Variants in NCAM2 observed in about 807,000 individuals in gnomAD.
The protein encoded by NCAM2 is N-CAM-2.
A neutral mutation model predicts 98.1 loss-of-function variants in NCAM2; 30 were observed. That is an observed-to-expected ratio of 0.31 (90% CI 0.23 to 0.41). NCAM2 has a LOEUF of 0.41. Ranked by LOEUF, NCAM2 falls within the 10% of genes least tolerant of loss-of-function variation. The pLI is 1.00. For synonymous variants in NCAM2, 368 were observed against 342.4 expected (o/e 1.07, Z -0.83); for missense variants, 867 against 1,005.8 (o/e 0.86, Z 1.87).
intron 1 of NCAM2, among the ~76,000 whole-genome samples, chr21:21,126,082 T>C (rs2066815129): frequency 6.6e-6 from 1 of 151,796 alleles, no homozygotes; most frequent in South Asian, 2.1e-4. Flanking sequence ...TAATGTTTCC[T>C]AGTAAAGATG....
Position 21,290,632 on chromosome 21 carries a change from G to T in NCAM2, c.482-1472G>T, listed in dbSNP as rs533698793. ...ACACCTCATGGGCTGCAAATCATGT[G>T]GCCGTAGCATTAGAATCACTATTTT... On this transcript the variant is annotated intron_variant, in intron 4 of 17. Coordinates refer to ENST00000400546, the MANE Select transcript of NCAM2 (RefSeq NM_004540.5). Among the ~76,000 whole-genome samples the T allele has an allele frequency of 1.2e-4, 18 of 151,962 alleles. 1 individual carries two copies. The South Asian group carries it at 2.5e-3, about 21-fold the overall frequency.
At position 21,286,421 on chromosome 21, in the gene NCAM2, T is replaced by G; in HGVS notation, c.481+9T>G. On this transcript the variant is annotated intron_variant, in intron 4 of 17. Transcript: ENST00000400546. Reference sequence around the variant, plus strand: ...CACCACTATTTCCGACAGTTAGTATTTTGGTAACTCCCTAAGTTATATGTT... The same window carrying G: ...CACCACTATTTCCGACAGTTAGTATGTTGGTAACTCCCTAAGTTATATGTT... The G allele has an allele frequency of 6.2e-7, 1 of 1,610,938 alleles. No individual in the cohort carries two copies. Among genetic ancestry groups the G allele is most frequent in the Non-Finnish European group, 8.5e-7 (1 of 1,177,974 alleles).
chr21:21,245,151 G>T (rs1835004131), intron 1 of NCAM2, among the ~76,000 whole-genome samples: 1 of 152,052 alleles, frequency 6.6e-6, no homozygotes, highest in East Asian at 1.9e-4. Flanking sequence ...TTATGCACAT[G>T]CATTCCTCCA....
intron 9 of NCAM2, among the ~76,000 whole-genome samples, chr21:21,383,675 C>A (rs187687885): frequency 7.3e-4 from 111 of 152,072 alleles, no homozygotes; most frequent in African/African-American, 2.6e-3. Flanking sequence ...GTTTCAGCTG[C>A]CATTATATAA....
At chr21:21,193,740 C>G (rs547399316) in intron 1 of NCAM2, among the ~76,000 whole-genome samples, 50 of 152,044 alleles carry the variant, frequency 3.3e-4, no homozygotes, top group African/African-American at 1.1e-3. Flanking sequence ...ATGATCCGCC[C>G]ACCTCGGCCT....
chr21:21,522,632 C>CTTTTTCT (rs112708539), intron 16 of NCAM2, among the ~76,000 whole-genome samples: 2,447 of 124,690 alleles, frequency 0.02, 35 homozygotes, highest in Non-Finnish European at 0.027. Flanking sequence ...TTTTCTTTTT[C>CTTTTTCT]TTTTTTTTTT....
intron 5 of NCAM2, among the ~76,000 whole-genome samples, chr21:21,308,950 G>C (rs2073962721): frequency 6.6e-6 from 1 of 151,886 alleles, no homozygotes; most frequent in African/African-American, 2.4e-5. Context: ...TCTGCTGAAG[G>C]CTTCATCTCA....
At chr21:21,459,384 T>C (rs2146182826) in intron 12 of NCAM2, among the ~76,000 whole-genome samples, 1 of 151,170 alleles carries the variant, frequency 6.6e-6, no homozygotes, top group Admixed American at 6.6e-5. Context: ...TTAATGTCTA[T>C]CTGTGAATGA....
At chr21:21,321,101 T>G (rs1218965900) in intron 5 of NCAM2, among the ~76,000 whole-genome samples, 1 of 152,178 alleles carries the variant, frequency 6.6e-6, no homozygotes, top group East Asian at 1.9e-4. Flanking sequence ...GGAACCAAGA[T>G]CACTTCTGTG....
intron 1 of NCAM2, among the ~76,000 whole-genome samples, chr21:21,267,698 T>C (rs1259077416): frequency 6.6e-6 from 1 of 152,160 alleles, no homozygotes; most frequent in Non-Finnish European, 1.5e-5. Context: ...TGCGAGCTCC[T>C]CTAGAGTTAA....
At chr21:21,175,571 G>T (rs578226070) in intron 1 of NCAM2, among the ~76,000 whole-genome samples, 1 of 152,048 alleles carries the variant, frequency 6.6e-6, no homozygotes, top group Non-Finnish European at 1.5e-5. Context: ...AAACAGGGTG[G>T]TAACATTAAA....
At chr21:21,381,051 G>A (rs2076143588) in intron 9 of NCAM2, among the ~76,000 whole-genome samples, 1 of 152,136 alleles carries the variant, frequency 6.6e-6, no homozygotes, top group Admixed American at 6.5e-5. Context: ...ATTAAAATGT[G>A]TCTTTTTAGG....
chr21:21,503,618 T>C (rs1987777563), intron 15 of NCAM2, among the ~76,000 whole-genome samples: 1 of 151,932 alleles, frequency 6.6e-6, no homozygotes, highest in East Asian at 1.9e-4. Flanking sequence ...AATGCAAAAC[T>C]GGATGAGGAG....
chr21:21,472,782 T>C (rs1032214810), intron 14 of NCAM2, among the ~76,000 whole-genome samples: 2 of 151,974 alleles, frequency 1.3e-5, no homozygotes, highest in African/African-American at 4.8e-5. Flanking sequence ...TTAAGTACTA[T>C]GTGGGTGGTG....
At chr21:21,033,701 C>T (rs1405478802) in intron 1 of NCAM2, among the ~76,000 whole-genome samples, 1 of 152,128 alleles carries the variant, frequency 6.6e-6, no homozygotes, top group African/African-American at 2.4e-5. Flanking sequence ...CAGATTATCT[C>T]AGAGCTGCCC....
At chr21:21,507,918 A>C (rs1332992296) in intron 15 of NCAM2, among the ~76,000 whole-genome samples, 2 of 151,616 alleles carry the variant, frequency 1.3e-5, no homozygotes, top group Non-Finnish European at 2.9e-5. Flanking sequence ...TCACCAGTTT[A>C]TTTCTTTTCA....
chr21:21,490,323 A>G (rs1986745037), intron 15 of NCAM2, among the ~76,000 whole-genome samples: 1 of 152,002 alleles, frequency 6.6e-6, no homozygotes, highest in African/African-American at 2.4e-5. Context: ...CTTTGTTGGT[A>G]GACTATTATT....
At chr21:21,077,263 AT>A (rs974556059) in intron 1 of NCAM2, among the ~76,000 whole-genome samples, 7 of 152,312 alleles carry the variant, frequency 4.6e-5, no homozygotes, top group African/African-American at 1.4e-4. Flanking sequence ...TGGAATTAAC[AT>A]TTTACTTCAT....
At chr21:21,228,978 A>G (rs572473665) in intron 1 of NCAM2, among the ~76,000 whole-genome samples, 2 of 151,554 alleles carry the variant, frequency 1.3e-5, no homozygotes, top group Admixed American at 6.6e-5. Context: ...ATCTAGAGTT[A>G]TTTTGTATAA....
Sources: gnomAD v4.1 joint callset for allele counts (sites outside exome capture counted in the v4.1 genomes callset) on GRCh38, gnomAD v4.1.1 for gene constraint, MANE v1.5 for transcripts, NCBI Gene and HGNC (gene_info 2026-07-23, HGNC 2026-07-21) for gene names.